Variants in UTRN observed in about 807,000 individuals in gnomAD.
UTRN encodes the protein dystrophin-related protein 1.
Under a neutral mutation model 463.9 loss-of-function variants are expected in UTRN, and 283 were observed. The observed-to-expected ratio is 0.61, with a 90% CI of 0.55 to 0.67. The LOEUF (loss-of-function observed/expected upper bound fraction) is 0.67, where lower values mean the gene tolerates loss of function less well. UTRN is among the 30% of genes least tolerant of loss of function. The pLI is 0.00. For synonymous variants in UTRN, 1,442 were observed against 1,431.5 expected (o/e 1.01, Z -0.17); for missense variants, 3,922 against 4,084.3 (o/e 0.96, Z 1.08).
chr6:144,729,094 C>G (rs1788245162), intron 53 of UTRN, among the ~76,000 whole-genome samples: 1 of 152,050 alleles, frequency 6.6e-6, no homozygotes, highest in South Asian at 2.1e-4. Flanking sequence ...GCTTCATGGC[C>G]TTATTCAATC....
chr6:144,454,262 A>G (rs1788605516), intron 19 of UTRN, among the ~76,000 whole-genome samples: 1 of 152,182 alleles, frequency 6.6e-6, no homozygotes, highest in Non-Finnish European at 1.5e-5. Flanking sequence ...AAATTCATTA[A>G]GGGTATTTGA....
At position 144,413,084 on chromosome 6, in the gene UTRN, C is replaced by A. The variant is rs77731288; in HGVS notation, c.142-8794C>A. 3.2e-3 allele frequency among the ~76,000 whole-genome samples: 489 copies of A among 152,248 alleles called. 2 individuals carry two copies. The highest frequency in any genetic ancestry group is 5.4e-3 in the Non-Finnish European group (368 of 68,020). On this transcript the variant is annotated intron_variant, in intron 3 of 74. Coordinates refer to ENST00000367545, the MANE Select transcript of UTRN (RefSeq NM_007124.3). The stretch of plus-strand genomic sequence containing the variant: ...TTTCTTTGTACAATTTTGGCAGCAC[C>A]AAGCTAGATTTGCAAATTCACCTTA...
chr6:144,678,896 T>A (rs1781924805), intron 52 of UTRN, among the ~76,000 whole-genome samples: 1 of 152,198 alleles, frequency 6.6e-6, no homozygotes, highest in Non-Finnish European at 1.5e-5. Context: ...TTAGGATCTT[T>A]ACAAATGTTA....
chr6:144,362,068 T>C (rs1163957533), intron 2 of UTRN, among the ~76,000 whole-genome samples: 1 of 152,232 alleles, frequency 6.6e-6, no homozygotes, highest in Middle Eastern at 3.2e-3. Context: ...AATAGAGTTG[T>C]GAATGTTTGC....
intron 51 of UTRN, among the ~76,000 whole-genome samples, chr6:144,646,218 T>C (rs1215133613): frequency 1.3e-5 from 2 of 152,238 alleles, no homozygotes; most frequent in African/African-American, 4.8e-5. Flanking sequence ...GGCATGTTTT[T>C]CCACCTTTTT....
At chr6:144,611,444 T>G (rs1326448608) in intron 51 of UTRN, among the ~76,000 whole-genome samples, 2 of 152,212 alleles carry the variant, frequency 1.3e-5, no homozygotes, top group African/African-American at 4.8e-5. Flanking sequence ...TTTGCAGATG[T>G]CATGATCTTC....
intron 54 of UTRN, among the ~76,000 whole-genome samples, chr6:144,737,776 A>T (rs139174388): frequency 1.4e-4 from 21 of 152,070 alleles, no homozygotes; most frequent in Admixed American, 2.6e-4. Flanking sequence ...ACTTAATTTC[A>T]TTTAATTTGT....
chr6:144,693,681 G>A (rs1783671679), intron 52 of UTRN, among the ~76,000 whole-genome samples: 2 of 152,034 alleles, frequency 1.3e-5, no homozygotes, highest in South Asian at 4.1e-4. Flanking sequence ...TCCTGCTTTG[G>A]CTCTTGGCTT....
chr6:144,315,658 G>T (rs1468734907), intron 2 of UTRN, among the ~76,000 whole-genome samples: 3 of 152,234 alleles, frequency 2.0e-5, no homozygotes, highest in African/African-American at 7.2e-5. Flanking sequence ...TACTTCGTGG[G>T]CTGTGCCTTT....
rs565960349 is a variant in UTRN at position 144,313,440 on chromosome 6, G to T, written c.79+21533G>T. Among the ~76,000 whole-genome samples the T allele has an allele frequency of 8.5e-5, 13 of 152,286 alleles. No individual in the cohort carries two copies. The East Asian group carries it at 1.9e-3, about 23-fold the overall frequency. ...CTTTGATCACAATTTCATGGGCCAAGTTTGAGTTTGGAATTTTCCAAGTCC... is the reference window on the plus strand; with the variant it reads ...CTTTGATCACAATTTCATGGGCCAATTTTGAGTTTGGAATTTTCCAAGTCC... On this transcript the variant is annotated intron_variant, in intron 2 of 74. Coordinates refer to ENST00000367545, the MANE Select transcript of UTRN (RefSeq NM_007124.3).
intron 45 of UTRN, among the ~76,000 whole-genome samples, chr6:144,541,559 A>T (rs1797976420): frequency 6.6e-6 from 1 of 152,234 alleles, no homozygotes; most frequent in Admixed American, 6.5e-5. Flanking sequence ...TAATTTGGGA[A>T]ATTCTAACAT....
chr6:144,605,739 T>C (rs557182067), intron 51 of UTRN, among the ~76,000 whole-genome samples: 6 of 151,712 alleles, frequency 4.0e-5, no homozygotes, highest in South Asian at 2.1e-4. Flanking sequence ...TACTTAAGTA[T>C]AAAGTAAGAA....
chr6:144,414,701 A>T (rs1334198863), intron 3 of UTRN, among the ~76,000 whole-genome samples: 1 of 145,230 alleles, frequency 6.9e-6, no homozygotes, highest in Non-Finnish European at 1.5e-5. Context: ...TGTCCTATAC[A>T]GGTGTACTAT....
intron 2 of UTRN, among the ~76,000 whole-genome samples, chr6:144,362,114 T>G (rs541859852): frequency 2.6e-5 from 4 of 152,278 alleles, no homozygotes; most frequent in Middle Eastern, 6.8e-3. Context: ...TGGAGCTGAT[T>G]TATATAAAGT....
chr6:144,569,389 A>T (rs1199139663), intron 50 of UTRN, among the ~76,000 whole-genome samples: 1 of 152,134 alleles, frequency 6.6e-6, no homozygotes, highest in Non-Finnish European at 1.5e-5. Flanking sequence ...GCATTAAAAA[A>T]AAATTCCAGG....
chr6:144,730,735 A>G (rs1788432763), intron 54 of UTRN, among the ~76,000 whole-genome samples: 1 of 152,020 alleles, frequency 6.6e-6, no homozygotes, highest in Non-Finnish European at 1.5e-5. Context: ...GATTGTCTAA[A>G]AAGTGTACTG....
chr6:144,449,640 A>T (rs1006214199), intron 17 of UTRN, among the ~76,000 whole-genome samples: 2 of 152,210 alleles, frequency 1.3e-5, no homozygotes, highest in African/African-American at 4.8e-5. Context: ...TATCTAGAGC[A>T]TCACAAAATC....
chr6:144,392,456 A>G (rs1300725205), intron 2 of UTRN, among the ~76,000 whole-genome samples: 1 of 152,242 alleles, frequency 6.6e-6, no homozygotes, highest in Non-Finnish European at 1.5e-5. Context: ...ATCCTTGTTC[A>G]TTGAATAACA....
At chr6:144,751,454 A>C (rs994016751) in intron 55 of UTRN, among the ~76,000 whole-genome samples, 2 of 152,136 alleles carry the variant, frequency 1.3e-5, no homozygotes, top group African/African-American at 4.8e-5. Flanking sequence ...TGAGTGGGCA[A>C]CTGTAGTTGA....
Sources: gnomAD v4.1 joint callset for allele counts (sites outside exome capture counted in the v4.1 genomes callset) on GRCh38, gnomAD v4.1.1 for gene constraint, MANE v1.5 for transcripts, NCBI Gene and HGNC (gene_info 2026-07-23, HGNC 2026-07-21) for gene names.